NTM: variants seen among roughly 807,000 people sequenced by gnomAD.
The protein encoded by NTM is IgLON family member 2.
In NTM, 13 loss-of-function variants were observed where a neutral mutation model predicts 42.1. The observed-to-expected ratio is 0.31, with a 90% CI of 0.20 to 0.49. The LOEUF is 0.49. Ranked by LOEUF, NTM falls within the 20% of genes least tolerant of loss-of-function variation. The probability of loss-of-function intolerance (pLI) is 0.99; values close to 1 mark genes in which losing one functional copy is unlikely to be tolerated. For synonymous variants in NTM, 187 were observed against 179.2 expected, an observed-to-expected ratio of 1.04 and a Z score of -0.35; for missense variants, 373 against 452.8, an observed-to-expected ratio of 0.82 and a Z score of 1.60.
At chr11:132,319,098 G>T (rs1334245773) in intron 7 of NTM, among the ~76,000 whole-genome samples, 1 of 152,206 alleles carries the variant, frequency 6.6e-6, no homozygotes, top group Non-Finnish European at 1.5e-5. Context: ...TGTATTCACA[G>T]ACGTAAAATA....
At chr11:131,966,781 G>T (rs1468520040) in intron 2 of NTM, among the ~76,000 whole-genome samples, 3 of 152,186 alleles carry the variant, frequency 2.0e-5, no homozygotes, top group Middle Eastern at 3.2e-3. Context: ...TTTGAGCAGG[G>T]TAGGGGTAGA....
At chr11:131,379,131 A>G (rs1416440041) in intron 1 of NTM, among the ~76,000 whole-genome samples, 1 of 152,236 alleles carries the variant, frequency 6.6e-6, no homozygotes, top group East Asian at 1.9e-4. Flanking sequence ...CTGCTGTGCC[A>G]GACAACCCCT....
At chr11:131,990,510 C>T (rs191943727) in intron 2 of NTM, among the ~76,000 whole-genome samples, 2 of 151,580 alleles carry the variant, frequency 1.3e-5, no homozygotes, top group East Asian at 3.9e-4. Context: ...TGTGTGTTTG[C>T]ATGTGTGTGT....
intron 7 of NTM, among the ~76,000 whole-genome samples, chr11:132,325,158 A>C (rs1261204339): frequency 1.3e-5 from 2 of 152,208 alleles, no homozygotes; most frequent in African/African-American, 4.8e-5. Context: ...ACAAAAGCCA[A>C]AACTGACAAA....
intron 1 of NTM, chr11:131,911,152 C>G: frequency 1.6e-6 from 2 of 1,286,252 alleles, no homozygotes. Context: ...TGGGAAGAAG[C>G]GGCTCCTGAG....
At chr11:132,220,102 A>C (rs1266347073) in intron 4 of NTM, among the ~76,000 whole-genome samples, 1 of 152,238 alleles carries the variant, frequency 6.6e-6, no homozygotes, top group East Asian at 1.9e-4. Flanking sequence ...GAACAAAAAA[A>C]TAATTGCATC....
At chr11:132,056,956 G>A (rs1200299688) in intron 2 of NTM, among the ~76,000 whole-genome samples, 5 of 152,114 alleles carry the variant, frequency 3.3e-5, no homozygotes, top group African/African-American at 1.2e-4. Flanking sequence ...TTCCAGGGGC[G>A]CCGCCTGCTT....
At chr11:131,634,389 G>C (rs1380311026) in intron 1 of NTM, among the ~76,000 whole-genome samples, 2 of 108,992 alleles carry the variant, frequency 1.8e-5, no homozygotes, top group Non-Finnish European at 4.4e-5. Flanking sequence ...GAAATTTCAA[G>C]CCCCCTGGAA....
intron 1 of NTM, among the ~76,000 whole-genome samples, chr11:131,607,860 T>C (rs2061113612): frequency 6.6e-6 from 1 of 151,248 alleles, no homozygotes; most frequent in Non-Finnish European, 1.5e-5. Flanking sequence ...TACGCACGGT[T>C]TGATCGGTAG....
intron 3 of NTM, among the ~76,000 whole-genome samples, chr11:132,161,627 A>C: frequency 6.6e-6 from 1 of 150,954 alleles, no homozygotes; most frequent in South Asian, 2.1e-4. Context: ...TCCTCCCCCC[A>C]ACTTTCTTTG....
At chr11:131,545,219 A>G (rs2053767508) in intron 1 of NTM, among the ~76,000 whole-genome samples, 1 of 152,186 alleles carries the variant, frequency 6.6e-6, no homozygotes, top group Non-Finnish European at 1.5e-5. Context: ...GCAGATACTC[A>G]GGTATAACCA....
chr11:132,228,107 CT>C (rs1427752841), intron 4 of NTM, among the ~76,000 whole-genome samples: 4 of 152,194 alleles, frequency 2.6e-5, no homozygotes, highest in African/African-American at 4.8e-5. Context: ...AAGTCCCCTC[CT>C]TGTCCAGGAG....
At chr11:131,760,188 T>C (rs1219374513) in intron 1 of NTM, among the ~76,000 whole-genome samples, 4 of 152,162 alleles carry the variant, frequency 2.6e-5, no homozygotes, top group Admixed American at 2.0e-4. Context: ...GAAGTGTTGA[T>C]AGAGGGAGAA....
chr11:131,705,517 A>G (rs941394774), intron 1 of NTM, among the ~76,000 whole-genome samples: 2 of 152,172 alleles, frequency 1.3e-5, no homozygotes, highest in Admixed American at 6.5e-5. Context: ...TAACAATATA[A>G]ATGAATAAAA....
At chr11:131,745,480 G>A (rs2081701895) in intron 1 of NTM, among the ~76,000 whole-genome samples, 1 of 152,184 alleles carries the variant, frequency 6.6e-6, no homozygotes, top group Non-Finnish European at 1.5e-5. Flanking sequence ...CTTGATCGGA[G>A]CCTTTTCCCT....
At chr11:131,426,231 G>A (rs1948123115) in intron 1 of NTM, among the ~76,000 whole-genome samples, 1 of 152,294 alleles carries the variant, frequency 6.6e-6, no homozygotes, top group Admixed American at 6.5e-5. Context: ...TGAAGTCTGG[G>A]AACTGAGTGC....
At position 131,592,647 on chromosome 11, in the gene NTM, A is replaced by AACACACACACACACAC. The variant is rs3040142; in HGVS notation, c.82+221784_82+221799dup. Among the ~76,000 whole-genome samples the AACACACACACACACAC allele has an allele frequency of 3.6e-5, 5 of 140,686 alleles. No homozygotes were observed. The South Asian group carries it at 9.9e-4, about 28-fold the overall frequency. The allele number at this position is 140,686 out of a possible 152,430, so 92.3% of individuals were successfully genotyped here. Reference sequence around the variant, plus strand: ...AACACAAATACACACACACACCCCAAACACACACACACACACACACACACA... The same window carrying AACACACACACACACAC: ...AACACAAATACACACACACACCCCAAACACACACACACACACACACACACACACACACACACACACA... On this transcript the variant is annotated intron_variant, in intron 1 of 8. Coordinates refer to ENST00000683400, the MANE Select transcript of NTM (RefSeq NM_001352005.2).
chr11:131,786,666 C>A (rs1193211925), intron 1 of NTM, among the ~76,000 whole-genome samples: 1 of 152,072 alleles, frequency 6.6e-6, no homozygotes, highest in Non-Finnish European at 1.5e-5. Context: ...TTAGATTTAT[C>A]GTGCTATTTA....
At chr11:132,284,000 C>G (rs2139884074) in intron 4 of NTM, among the ~76,000 whole-genome samples, 1 of 152,282 alleles carries the variant, frequency 6.6e-6, no homozygotes, top group South Asian at 2.1e-4. Flanking sequence ...TTCCTTCCTC[C>G]CTCTGAGGCA....
Sources: allele counts gnomAD v4.1 joint callset (sites outside exome capture counted in the v4.1 genomes callset), GRCh38; gene constraint gnomAD v4.1.1; transcripts MANE v1.5; gene names NCBI Gene and HGNC (gene_info 2026-07-23, HGNC 2026-07-21).